Variants in CPXM2 observed in about 807,000 individuals in gnomAD.
CPXM2 encodes inactive carboxypeptidase-like protein X2.
CPXM2 carries 66 observed loss-of-function variants against 86.1 expected under a neutral mutation model. That is an observed-to-expected ratio of 0.77 (90% CI 0.63 to 0.94). The LOEUF is 0.94. Ranked by LOEUF, CPXM2 falls within the 40% of genes least tolerant of loss-of-function variation. The pLI, the probability that CPXM2 is intolerant of heterozygous loss-of-function variation, is 0.00. For missense variants in CPXM2, 948 were observed against 1,026.3 expected, an observed-to-expected ratio of 0.92 and a Z score of 1.04; for synonymous variants, 388 against 400.2, an observed-to-expected ratio of 0.97 and a Z score of 0.36.
intron 2 of CPXM2, among the ~76,000 whole-genome samples, chr10:123,877,308 G>C (rs1254850789): frequency 6.6e-6 from 1 of 152,190 alleles, no homozygotes; most frequent in Admixed American, 6.5e-5. Flanking sequence ...TGTAACCTTT[G>C]AAAAAACAAG....
At chr10:123,909,972 C>T (rs1341057249) in intron 2 of CPXM2, among the ~76,000 whole-genome samples, 1 of 152,198 alleles carries the variant, frequency 6.6e-6, no homozygotes, top group Non-Finnish European at 1.5e-5. Flanking sequence ...TTCCATATCC[C>T]AGGACTGCCA....
upstream of CPXM2, among the ~76,000 whole-genome samples, chr10:123,942,356 A>C (rs1945784936): frequency 6.6e-6 from 1 of 152,194 alleles, no homozygotes; most frequent in Admixed American, 6.5e-5. Context: ...ATGTCACAGG[A>C]TGAGATAGGA....
intron 6 of CPXM2, among the ~76,000 whole-genome samples, chr10:123,784,560 AT>A (rs1256821619): frequency 1.3e-5 from 2 of 152,160 alleles, no homozygotes; most frequent in Admixed American, 1.3e-4. Flanking sequence ...CATCTCAGTC[AT>A]TTCTTACTCC....
At chr10:123,880,090 C>T (rs552170451) in intron 2 of CPXM2, 121 bp downstream of exon 2, 10 of 635,400 alleles carry the variant, frequency 1.6e-5, no homozygotes, top group Admixed American at 1.5e-4. Context: ...GACAGCAGGC[C>T]CCAGGCAGCC....
At chr10:123,845,350 G>A (rs1364328234) in intron 3 of CPXM2, among the ~76,000 whole-genome samples, 1 of 151,248 alleles carries the variant, frequency 6.6e-6, no homozygotes, top group Non-Finnish European at 1.5e-5. Flanking sequence ...CTATAATAGA[G>A]AACAGAAAAA....
intron 2 of CPXM2, among the ~76,000 whole-genome samples, chr10:123,879,285 A>G (rs913759427): frequency 3.9e-5 from 6 of 152,224 alleles, no homozygotes; most frequent in Non-Finnish European, 1.5e-5. Context: ...ATGGACTCAC[A>G]TGGCAGCTAA....
At chr10:123,904,596 C>G (rs772547097) in intron 2 of CPXM2, among the ~76,000 whole-genome samples, 5 of 152,120 alleles carry the variant, frequency 3.3e-5, no homozygotes, top group Admixed American at 1.3e-4. Flanking sequence ...GAGCTATGAC[C>G]GTGTCTAGCA....
intron 2 of CPXM2, among the ~76,000 whole-genome samples, chr10:123,905,040 C>G (rs746876586): frequency 2.4e-5 from 3 of 126,306 alleles, no homozygotes; most frequent in Non-Finnish European, 4.8e-5. Context: ...TGCGTGAAGA[C>G]AAGGACAGAG....
chr10:123,847,187 C>T (rs1432975361), intron 3 of CPXM2, among the ~76,000 whole-genome samples: 2 of 152,166 alleles, frequency 1.3e-5, no homozygotes, highest in Admixed American at 1.3e-4. Context: ...ATCAAGTCTA[C>T]ATCTATAAAT....
chr10:123,777,491 G>A (rs1352063089), intron 7 of CPXM2: 1 of 152,712 alleles, frequency 6.5e-6, no homozygotes, highest in African/African-American at 2.4e-5. Context: ...TTCAGGCACA[G>A]AGGCCCGCCC....
chr10:123,751,126 AC>A (rs1846065708), intron 13 of CPXM2: 1 of 919,630 alleles, frequency 1.1e-6, no homozygotes, highest in Non-Finnish European at 1.3e-6. Flanking sequence ...AAGTATGCAG[AC>A]ACAGGTATTT....
chr10:123,939,740 T>C (rs1378973135), intron 1 of CPXM2, among the ~76,000 whole-genome samples: 4 of 152,026 alleles, frequency 2.6e-5, no homozygotes, highest in Admixed American at 6.5e-5. Flanking sequence ...GGTAGACGCA[T>C]GCTAAGTGGG....
upstream of CPXM2, among the ~76,000 whole-genome samples, chr10:123,892,969 C>T (rs1463507980): frequency 6.6e-6 from 1 of 152,230 alleles, no homozygotes; most frequent in Non-Finnish European, 1.5e-5. Flanking sequence ...CCTGCCACAT[C>T]TTTCCGCCTT....
chr10:123,880,649 G>A (rs1453782240), intron 1 of CPXM2, among the ~76,000 whole-genome samples: 3 of 151,862 alleles, frequency 2.0e-5, no homozygotes, highest in Non-Finnish European at 4.4e-5. Flanking sequence ...CTAACACGGT[G>A]AAACCCTGTC....
intron 13 of CPXM2, among the ~76,000 whole-genome samples, chr10:123,748,181 A>T (rs137929795): frequency 0.011 from 1,711 of 152,218 alleles, 12 homozygotes; most frequent in Non-Finnish European, 0.015. Flanking sequence ...ATGCCCAGAG[A>T]GGTGTAGTAT....
At chr10:123,784,913 T>C (rs1211430083) in intron 6 of CPXM2, among the ~76,000 whole-genome samples, 1 of 152,240 alleles carries the variant, frequency 6.6e-6, no homozygotes, top group Admixed American at 6.5e-5. Context: ...CTAAATCAAA[T>C]GGAAACACTT....
chr10:123,810,905 T>C (rs1847676407), intron 4 of CPXM2, among the ~76,000 whole-genome samples: 1 of 152,212 alleles, frequency 6.6e-6, no homozygotes, highest in Admixed American at 6.5e-5. Flanking sequence ...CTTATTATTA[T>C]AAAGCTTTAA....
chr10:123,941,175 C>A (rs1945773566), upstream of CPXM2, among the ~76,000 whole-genome samples: 1 of 151,768 alleles, frequency 6.6e-6, no homozygotes, highest in Non-Finnish European at 1.5e-5. Flanking sequence ...CATCTCAAAA[C>A]AAAAAAATAA....
upstream of CPXM2, among the ~76,000 whole-genome samples, chr10:123,895,101 C>CTTT (rs1001049091): frequency 8.1e-6 from 1 of 124,210 alleles, no homozygotes; most frequent in Non-Finnish European, 1.8e-5. Flanking sequence ...AAGACAGATT[C>CTTT]TTTTTTTTTT....
Sources: gnomAD v4.1 joint callset for allele counts (sites outside exome capture counted in the v4.1 genomes callset) on GRCh38, gnomAD v4.1.1 for gene constraint, MANE v1.5 for transcripts, NCBI Gene and HGNC (gene_info 2026-07-23, HGNC 2026-07-21) for gene names.